The following PTPN5 variants were observed in gnomAD, a reference collection of about 807,000 sequenced individuals.
The protein encoded by PTPN5 is tyrosine-protein phosphatase non-receptor type 5.
Under a neutral mutation model 73.9 loss-of-function variants are expected in PTPN5, and 29 were observed. The ratio of observed to expected loss-of-function variants is 0.39; its 90% CI spans 0.29 to 0.54. PTPN5 has a LOEUF of 0.54. Ranked by LOEUF, PTPN5 falls within the 20% of genes least tolerant of loss-of-function variation. PTPN5 has a pLI of 0.65. For synonymous variants in PTPN5, 267 were observed against 304.7 expected (o/e 0.88, Z 1.29); for missense variants, 652 against 751.4 (o/e 0.87, Z 1.55).
intron 2 of PTPN5, among the ~76,000 whole-genome samples, chr11:18,770,411 G>A (rs1850830272): frequency 1.3e-5 from 2 of 152,140 alleles, no homozygotes; most frequent in South Asian, 4.2e-4. Context: ...AGCCTTTTGT[G>A]CTTTTGTGTT....
At chr11:18,762,044 G>C (rs1850419161) in intron 3 of PTPN5, among the ~76,000 whole-genome samples, 1 of 152,222 alleles carries the variant, frequency 6.6e-6, no homozygotes, top group African/African-American at 2.4e-5. Flanking sequence ...GGGTGTCCCA[G>C]GGGCTGTGAG....
chr11:18,788,994 T>C (rs1264648794), intron 1 of PTPN5, among the ~76,000 whole-genome samples: 2 of 152,222 alleles, frequency 1.3e-5, no homozygotes, highest in Admixed American at 6.5e-5. Context: ...AACAAAAGTG[T>C]TGATCCTCCC....
rs560327464 is a variant in PTPN5, at chr11:18,770,633, T to C, written c.20+1306A>G. Among the ~76,000 whole-genome samples, 11 of 152,358 alleles carry C rather than the reference T, an allele frequency of 7.2e-5. No homozygotes were observed. The South Asian group carries it at 1.7e-3, about 23-fold the overall frequency. ...CTGCTCTGTTTCCACTCTCCTCCCATCACGCTTGTGGTTTTGGGCAATCCT... is the reference window on the plus strand; with the variant it reads ...CTGCTCTGTTTCCACTCTCCTCCCACCACGCTTGTGGTTTTGGGCAATCCT... On this transcript the variant is annotated intron_variant, in intron 2 of 14. Coordinates refer to ENST00000358540, the MANE Select transcript of PTPN5 (RefSeq NM_006906.2).
intron 9 of PTPN5, among the ~76,000 whole-genome samples, chr11:18,734,350 T>C (rs1849023003): frequency 6.6e-6 from 1 of 151,960 alleles, no homozygotes; most frequent in Non-Finnish European, 1.5e-5. Context: ...AGTAAAAGGG[T>C]CTCTGTCACT....
intron 3 of PTPN5, among the ~76,000 whole-genome samples, chr11:18,754,230 G>A (rs888837922): frequency 1.3e-5 from 2 of 152,144 alleles, no homozygotes; most frequent in African/African-American, 4.8e-5. Context: ...TCCAATGGGG[G>A]AAACAACGAA....
chr11:18,777,224 T>A (rs1410306422), intron 1 of PTPN5, among the ~76,000 whole-genome samples: 3 of 152,116 alleles, frequency 2.0e-5, no homozygotes, highest in Admixed American at 1.3e-4. Context: ...GGCTCTGGAC[T>A]CCCCCAGTAT....
Position 18,743,369 on chromosome 11 carries a change from T to C in PTPN5, c.352A>G (p.Asn118Asp). ...AGCGTCAGCAAAGAGGAGACGAGGT[T>C]TGTGGCGTTCTGTGACCAGATGTGG... ...YGHIWSQNAT[N>D]LVSSLLTLLK... is the part of the protein sequence containing the mutation. Residue 118 changes from asparagine (N) to aspartate (D), a missense_variant, in exon 5 of 15, where the codon AAC becomes GAC. Transcript: ENST00000358540. The C allele has an allele frequency of 6.2e-7, 1 of 1,614,108 alleles. No individual in the cohort carries two copies. Among genetic ancestry groups the C allele is most frequent in the Non-Finnish European group, 8.5e-7 (1 of 1,180,016 alleles).
chr11:18,779,487 T>C (rs754341672), intron 1 of PTPN5, among the ~76,000 whole-genome samples: 5 of 152,196 alleles, frequency 3.3e-5, no homozygotes, highest in African/African-American at 4.8e-5. Flanking sequence ...ATATGCCACA[T>C]GCTTCTCAGT....
Position 18,742,939 on chromosome 11 carries a change from G to T in PTPN5, c.483+53C>A, listed in dbSNP as rs1849437810. 2 of 1,173,056 alleles carry T rather than the reference G, an allele frequency of 1.7e-6. No individual in the cohort carries two copies. The highest frequency in any genetic ancestry group is 1.2e-6 in the Non-Finnish European group (1 of 802,854). The allele number at this position is 1,173,056 out of a possible 1,614,324, so 72.7% of individuals were successfully genotyped here. A position where few individuals can be genotyped will look rare whatever the true frequency, so the allele number is the denominator to read the frequency against. Reference sequence around the variant, plus strand: ...CAGATGGGAGCTGGTAGAAATCCAGGCCTCAAGGTCAGAGGAGGACAGCCT... The same window carrying T: ...CAGATGGGAGCTGGTAGAAATCCAGTCCTCAAGGTCAGAGGAGGACAGCCT... On this transcript the variant is annotated intron_variant, in intron 6 of 14. Transcript: ENST00000358540. This position sits in a 1 kb window ranked among gnomAD's most constrained non-coding sequence, Gnocchi z 4.1.
In PTPN5 at chr11:18,733,285, C is replaced by T. The variant is rs553653914; in HGVS notation, c.1168G>A (p.Glu390Lys). 4.3e-6 allele frequency: 7 copies of T among 1,614,120 alleles called. No homozygotes were observed. The highest frequency in any genetic ancestry group is 5.9e-6 in the Non-Finnish European group (7 of 1,180,000). Reference sequence around the variant, plus strand: ...ATCATGACAATGATGGGCGTGTGCTCCTGCCACACCATGCGCCAGAAGTCG... The same window carrying T: ...ATCATGACAATGATGGGCGTGTGCTTCTGCCACACCATGCGCCAGAAGTCG... The part of the protein sequence containing the change: ...VADFWRMVWQ[E>K]HTPIIVMITN... Residue 390 changes from glutamate to lysine, a missense_variant, in exon 11 of 15, where the codon GAG (glutamate) becomes AAG (lysine). Physicochemically the swap from Glu to Lys is moderately conservative, Grantham distance 56 (BLOSUM62 1). Coordinates refer to ENST00000358540, the MANE Select transcript of PTPN5 (RefSeq NM_006906.2). The surrounding 1 kb of genome is among the most constrained non-coding windows in gnomAD (Gnocchi z 4.3).
At chr11:18,787,899 G>T (rs1410151116) in intron 1 of PTPN5, among the ~76,000 whole-genome samples, 1 of 152,166 alleles carries the variant, frequency 6.6e-6, no homozygotes, top group African/African-American at 2.4e-5. Context: ...TGTATTCAGA[G>T]AATAAATGAA....
At chr11:18,750,150 C>T (rs907420905) in intron 3 of PTPN5, among the ~76,000 whole-genome samples, 3 of 152,150 alleles carry the variant, frequency 2.0e-5, no homozygotes, top group Non-Finnish European at 4.4e-5. Flanking sequence ...AGAGCCTGAA[C>T]GTTGAAGACT....
intron 9 of PTPN5, among the ~76,000 whole-genome samples, chr11:18,735,145 C>T (rs562944726): frequency 6.6e-6 from 1 of 152,156 alleles, no homozygotes; most frequent in African/African-American, 2.4e-5. Context: ...GACATTATTA[C>T]AAGTTCCACA....
At chr11:18,754,000 T>C (rs971953392) in intron 3 of PTPN5, among the ~76,000 whole-genome samples, 42 of 152,022 alleles carry the variant, frequency 2.8e-4, no homozygotes, top group African/African-American at 1.0e-3. Flanking sequence ...AAAACACACA[T>C]TAAACACATT....
intron 1 of PTPN5, among the ~76,000 whole-genome samples, chr11:18,779,310 C>A (rs550363849): frequency 6.6e-6 from 1 of 150,562 alleles, no homozygotes; most frequent in Non-Finnish European, 1.5e-5. Flanking sequence ...GAAGACACAG[C>A]GAGGCTGGGT....
At chr11:18,784,386 G>C (rs1199552405) in intron 1 of PTPN5, among the ~76,000 whole-genome samples, 1 of 152,070 alleles carries the variant, frequency 6.6e-6, no homozygotes, top group Admixed American at 6.5e-5. Context: ...CTAAGTGAAA[G>C]AAGCCAGACA....
chr11:18,733,472 T>G lies in PTPN5; in HGVS notation c.1080+84A>C. ...TCACAGGAGCTGGCAGGAGCCAGACTGGTGTAGGGACAAGGCTGGAGGATG... is the reference window on the plus strand; with the variant it reads ...TCACAGGAGCTGGCAGGAGCCAGACGGGTGTAGGGACAAGGCTGGAGGATG... On this transcript the variant is annotated intron_variant, in intron 10 of 14. Transcript: ENST00000358540. This position sits in a 1 kb window ranked among gnomAD's most constrained non-coding sequence, Gnocchi z 4.3. 1 of 1,611,644 alleles carries G rather than the reference T, an allele frequency of 6.2e-7. No individual in the cohort carries two copies. Among genetic ancestry groups the G allele is most frequent in the Non-Finnish European group, 8.5e-7 (1 of 1,178,254 alleles).
intron 1 of PTPN5, among the ~76,000 whole-genome samples, chr11:18,774,801 T>C (rs1300156215): frequency 6.6e-6 from 1 of 151,914 alleles, no homozygotes; most frequent in Non-Finnish European, 1.5e-5. Context: ...TCAGGGCCAC[T>C]TTGGCTTTCT....
chr11:18,767,693 G>C (rs980148665), intron 2 of PTPN5, among the ~76,000 whole-genome samples: 15 of 152,240 alleles, frequency 9.9e-5, no homozygotes, highest in Non-Finnish European at 1.8e-4. Context: ...CCAGAAGAGA[G>C]GAGCTAGAAT....
Sources: allele counts gnomAD v4.1 joint callset (sites outside exome capture counted in the v4.1 genomes callset), GRCh38; gene constraint gnomAD v4.1.1; non-coding constraint Gnocchi (gnomAD v3.1); transcripts MANE v1.5; gene names NCBI Gene and HGNC (gene_info 2026-07-23, HGNC 2026-07-21).